Variants in QKI observed in about 807,000 individuals in gnomAD.
QKI encodes the protein QKI, KH domain containing RNA binding, also known as KH domain-containing RNA-binding protein QKI.
Under a neutral mutation model 39.0 loss-of-function variants are expected in QKI, and 10 were observed. The observed-to-expected ratio is 0.26, with a 90% CI of 0.16 to 0.43. The LOEUF is 0.43. Among genes scored for constraint, QKI ranks in the 20% least tolerant of loss-of-function variants. The probability of loss-of-function intolerance (pLI) is 1.00; values close to 1 mark genes in which losing one functional copy is unlikely to be tolerated. For missense variants in QKI, 218 were observed against 428.0 expected, an observed-to-expected ratio of 0.51 and a Z score of 4.33; for synonymous variants, 204 against 155.4, an observed-to-expected ratio of 1.31 and a Z score of -2.33.
chr6:163,487,618 T>G (rs1486962220), intron 3 of QKI, among the ~76,000 whole-genome samples: 1 of 152,146 alleles, frequency 6.6e-6, no homozygotes, highest in Non-Finnish European at 1.5e-5. Flanking sequence ...CTTTCTTGGC[T>G]TCACTGGGTG....
intron 1 of QKI, among the ~76,000 whole-genome samples, chr6:163,439,048 ACACATTAACCTAGGC>A (rs1330944838): frequency 1.3e-5 from 2 of 152,116 alleles, no homozygotes; most frequent in Non-Finnish European, 2.9e-5. Flanking sequence ...AGACAAACAC[ACACATTAACCTAGGC>A]CTGCACAGGG....
chr6:163,447,149 T>G (rs2128217027), intron 1 of QKI, among the ~76,000 whole-genome samples: 1 of 152,256 alleles, frequency 6.6e-6, no homozygotes, highest in Non-Finnish European at 1.5e-5. Flanking sequence ...GTAAAGCTGG[T>G]TAGACTAGCT....
intron 1 of QKI, among the ~76,000 whole-genome samples, chr6:163,442,895 C>G (rs1789864096): frequency 6.6e-6 from 1 of 152,090 alleles, no homozygotes; most frequent in African/African-American, 2.4e-5. Flanking sequence ...CTTTTACAAT[C>G]TCAACACAGA....
intron 2 of QKI, among the ~76,000 whole-genome samples, chr6:163,467,711 A>G (rs1225286362): frequency 6.6e-6 from 1 of 152,174 alleles, no homozygotes; most frequent in Non-Finnish European, 1.5e-5. Context: ...AATTTATAAG[A>G]ATTAATATGA....
chr6:163,538,791 G>A (rs1781349116), intron 4 of QKI, among the ~76,000 whole-genome samples: 1 of 152,144 alleles, frequency 6.6e-6, no homozygotes, highest in African/African-American at 2.4e-5. Flanking sequence ...GTAAGATCAT[G>A]GATTTTTTTG....
At chr6:163,524,758 C>T (rs1333211309) in intron 3 of QKI, among the ~76,000 whole-genome samples, 1 of 152,146 alleles carries the variant, frequency 6.6e-6, no homozygotes, top group Non-Finnish European at 1.5e-5. Flanking sequence ...TGAACCACCA[C>T]GCCCGGCCTT....
intron 1 of QKI, among the ~76,000 whole-genome samples, chr6:163,441,956 G>A (rs1034819774): frequency 6.6e-6 from 1 of 152,232 alleles, no homozygotes; most frequent in African/African-American, 2.4e-5. Context: ...TATACCAACT[G>A]AGATGGGAAA....
intron 1 of QKI, among the ~76,000 whole-genome samples, chr6:163,434,790 A>G (rs1789117266): frequency 6.6e-6 from 1 of 152,060 alleles, no homozygotes; most frequent in Non-Finnish European, 1.5e-5. Flanking sequence ...AATGAGTAAT[A>G]TTTTCCTAAA....
At chr6:163,455,894 A>G (rs913544993) in intron 2 of QKI, among the ~76,000 whole-genome samples, 1 of 152,120 alleles carries the variant, frequency 6.6e-6, no homozygotes, top group Non-Finnish European at 1.5e-5. Context: ...CTCTATAAGC[A>G]TCTTGTTGTG....
At chr6:163,505,869 G>A (rs191365220) in intron 3 of QKI, among the ~76,000 whole-genome samples, 1 of 152,018 alleles carries the variant, frequency 6.6e-6, no homozygotes, top group Admixed American at 6.5e-5. Flanking sequence ...AGGGGTCAGG[G>A]GCGGAATTAC....
At chr6:163,567,408 T>TA in intron 7 of QKI, 1 of 985,710 alleles carries the variant, frequency 1.0e-6, no homozygotes, top group Non-Finnish European at 1.2e-6. Context: ...CTTTTATTCT[T>TA]ACATTCTCTT....
In QKI at chr6:163,415,351, G is replaced by A; in HGVS notation, c.142+16G>A. 6.5e-7 allele frequency: 1 copy of A among 1,529,444 alleles called. No homozygotes were observed. The highest frequency in any genetic ancestry group is 8.9e-7 in the Non-Finnish European group (1 of 1,128,940). 94.7% of individuals were successfully genotyped at this position (1,529,444 alleles called of 1,614,324 possible). ...CTGGACGAAGGTGAGCGTCTCCAGG[G>A]CCCCGGCCCCGGCCCGACCCCCGCC... On this transcript the variant is annotated intron_variant, in intron 1 of 7. Coordinates refer to ENST00000361752, the MANE Select transcript of QKI (RefSeq NM_006775.3).
chr6:163,558,385 C>T lies in QKI; in HGVS notation c.547-3597C>T, dbSNP rs1166954902. On this transcript the variant is annotated intron_variant, in intron 4 of 7. Transcript: ENST00000361752. ...AATTCTATAATTAACCCTGTTGTCTCTTCTTTTTTTTTCTTTTTCTTTTTT... is the reference window on the plus strand; with the variant it reads ...AATTCTATAATTAACCCTGTTGTCTTTTCTTTTTTTTTCTTTTTCTTTTTT... Among the ~76,000 whole-genome samples the T allele has an allele frequency of 2.6e-5, 4 of 151,138 alleles. No homozygotes were observed. In the East Asian group the frequency reaches 7.7e-4, roughly 29 times the overall value.
chr6:163,535,867 G>A (rs959312273), intron 4 of QKI, among the ~76,000 whole-genome samples: 8 of 152,224 alleles, frequency 5.3e-5, no homozygotes, highest in Non-Finnish European at 1.2e-4. Context: ...GGGAGGCAGA[G>A]GTTGCAGTGA....
Position 163,572,724 on chromosome 6 carries a change from A to G in QKI, c.*2014A>G, listed in dbSNP as rs1314668314. ...GTCCCCTCTTCCACACCTTCCCAGCATCACAGTCAGAGGTCAGCAGGAAGC... is the reference window on the plus strand; with the variant it reads ...GTCCCCTCTTCCACACCTTCCCAGCGTCACAGTCAGAGGTCAGCAGGAAGC... On this transcript the variant is annotated 3_prime_UTR_variant, in exon 8 of 8. Transcript: ENST00000361752. 1.4e-5 allele frequency: 1 copy of G among 70,274 alleles called. No individual in the cohort carries two copies. The highest frequency in any genetic ancestry group is 4.4e-4 in the East Asian group (1 of 2,256). The allele number at this position is 70,274 out of a possible 1,614,324, so 4.4% of individuals were successfully genotyped here.
chr6:163,464,781 C>T (rs897145535), intron 2 of QKI, among the ~76,000 whole-genome samples: 2 of 152,178 alleles, frequency 1.3e-5, no homozygotes, highest in African/African-American at 4.8e-5. Flanking sequence ...ACCACCAACC[C>T]TTCTCAAACT....
At chr6:163,445,253 C>T (rs1228907237) in intron 1 of QKI, among the ~76,000 whole-genome samples, 2 of 151,902 alleles carry the variant, frequency 1.3e-5, no homozygotes, top group Non-Finnish European at 2.9e-5. Flanking sequence ...TATCACTAAT[C>T]TGCAAATCTT....
At chr6:163,561,533 A>G (rs1421303113) in intron 4 of QKI, among the ~76,000 whole-genome samples, 1 of 152,176 alleles carries the variant, frequency 6.6e-6, no homozygotes, top group East Asian at 1.9e-4. Flanking sequence ...GCTCGAACCT[A>G]GGAATTCAAG....
rs546107291 is a variant in QKI at position 163,571,333 on chromosome 6, G to A, written c.*623G>A. The A allele has an allele frequency of 6.6e-6, 1 of 152,132 alleles. No homozygotes were observed. The highest frequency in any genetic ancestry group is 1.5e-5 in the Non-Finnish European group (1 of 68,032). The allele number at this position is 152,132 out of a possible 1,614,324, so 9.4% of individuals were successfully genotyped here. On this transcript the variant is annotated 3_prime_UTR_variant, in exon 8 of 8. Transcript: ENST00000361752. ...AGTATTAGAAGAAAGTGTGCCATGA[G>A]AGAAAAACTTAAGGAGTTTTGAAAA... is the stretch of plus-strand genomic sequence containing the variant.
Sources: allele counts gnomAD v4.1 joint callset (sites outside exome capture counted in the v4.1 genomes callset), GRCh38; gene constraint gnomAD v4.1.1; transcripts MANE v1.5; gene names NCBI Gene and HGNC (gene_info 2026-07-23, HGNC 2026-07-21).